The following NOTCH3 variants were observed in gnomAD, a reference collection of about 807,000 sequenced individuals.
The protein encoded by NOTCH3 is notch receptor 3, also known as neurogenic locus notch homolog protein 3.
A neutral mutation model predicts 213.3 loss-of-function variants in NOTCH3; 86 were observed. The observed-to-expected ratio is 0.40, with a 90% CI of 0.34 to 0.48. The LOEUF (loss-of-function observed/expected upper bound fraction) is 0.48, where lower values mean the gene tolerates loss of function less well. Ranked by LOEUF, NOTCH3 falls within the 20% of genes least tolerant of loss-of-function variation. The pLI is 0.57. For missense variants in NOTCH3, 2,783 were observed against 3,272.6 expected, an observed-to-expected ratio of 0.85 and a Z score of 3.65; for synonymous variants, 1,354 against 1,355.9, an observed-to-expected ratio of 1.00 and a Z score of 0.03.
In NOTCH3 at chr19:15,188,837, T is replaced by C. The variant is rs2238643; in HGVS notation, c.1378+152A>G. 0.7 allele frequency: 516,599 copies of C among 740,968 alleles called. 182,512 individuals are homozygous for C. The highest frequency in any genetic ancestry group is 0.73 in the Non-Finnish European group (327,777 of 448,790). 45.9% of individuals were successfully genotyped at this position (740,968 alleles called of 1,614,324 possible). The stretch of plus-strand genomic sequence containing the variant: ...CCCCCAGAATCACACAGTATTCCCT[T>C]CTGGTCCTGACCCCACCTCCTTCCA... On this transcript the variant is annotated intron_variant, in intron 8 of 32. Coordinates refer to ENST00000263388, the MANE Select transcript of NOTCH3 (RefSeq NM_000435.3).
At chr19:15,161,944 C>T (rs2046647768) in intron 32 of NOTCH3, among the ~76,000 whole-genome samples, 1 of 150,370 alleles carries the variant, frequency 6.7e-6, no homozygotes, top group Admixed American at 6.6e-5. Context: ...GTGAGTTAAG[C>T]GAGGTACTCA....
rs776950725 is a variant in NOTCH3 at position 15,177,071 on chromosome 19, T to TAAA, written c.4403+451_4403+453dup. Among the ~76,000 whole-genome samples the TAAA allele has an allele frequency of 3.9e-3, 312 of 79,096 alleles. 2 individuals carry two copies. The highest frequency in any genetic ancestry group is 9.8e-3 in the African/African-American group (230 of 23,380). 51.9% of individuals were successfully genotyped at this position (79,096 alleles called of 152,430 possible). A position where few individuals can be genotyped will look rare whatever the true frequency, so the allele number is the denominator to read the frequency against. On this transcript the variant is annotated intron_variant, in intron 24 of 32. Coordinates refer to ENST00000263388, the MANE Select transcript of NOTCH3 (RefSeq NM_000435.3). ...TGGGCAAGAGAGCGAGACTCCGTCT[T>TAAA]AAAAAAAAAAAAAAAAAAAAAAAGG...
intron 23 of NOTCH3, chr19:15,178,597 C>G (rs1379336649): frequency 1.7e-6 from 1 of 594,998 alleles, no homozygotes; most frequent in African/African-American, 1.9e-5. Context: ...GTTGCCCAGG[C>G]TGGTCTCTAA....
intron 16 of NOTCH3, 134 bp downstream of exon 16, chr19:15,184,161 A>AG (rs1259440577): frequency 1.1e-6 from 1 of 915,366 alleles, no homozygotes; most frequent in Non-Finnish European, 1.7e-6. Flanking sequence ...CTCGGGCCTC[A>AG]GTTTCCATAT....
At chr19:15,192,624 A>T in intron 2 of NOTCH3, 105 bp from the exon 3 acceptor site, 1 of 1,468,612 alleles carries the variant, frequency 6.8e-7, no homozygotes, top group Non-Finnish European at 9.2e-7. Context: ...AGAGCAGCAA[A>T]CACACATTTG....
chr19:15,176,159 A>ATTTTT (rs34620350), intron 24 of NOTCH3, among the ~76,000 whole-genome samples: 1 of 119,978 alleles, frequency 8.3e-6, no homozygotes, highest in Non-Finnish European at 1.7e-5. Flanking sequence ...AACAAAAGCA[A>ATTTTT]TTTTTTTTTT....
In NOTCH3 at chr19:15,161,538, G is replaced by T; in HGVS notation, c.6090C>A (p.Pro2030=). ...GGCCGTGGGGACCGGGGGGGCTGCG[G>T]GGCCCACTGGGTTGATCCAGCAAGC... ...IVRLLDQPSG[P]RSPPGPHGLG... The change falls in exon 33 of 33, where the codon CCC becomes CCA. Residue 2030 remains proline, a synonymous_variant. Transcript: ENST00000263388. 6.2e-7 allele frequency: 1 copy of T among 1,604,796 alleles called. No individual in the cohort carries two copies. The highest frequency in any genetic ancestry group is 2.2e-5 in the East Asian group (1 of 44,548).
chr19:15,161,169 A>G lies in NOTCH3; in HGVS notation c.6459T>C (p.Pro2153=), dbSNP rs1407377635. ...PGRAGLGRQP[P]GGCVLSLGLL... is the part of the protein sequence containing the mutation. ...GGCCCAGGCTGAGTACACATCCTCC[A>G]GGGGGCTGGCGCCCTAGACCCGCCC... The change falls in exon 33 of 33, where the codon CCT becomes CCC. Residue 2153 remains proline (P), a synonymous_variant. Transcript: ENST00000263388. 2 of 1,539,322 alleles carry G rather than the reference A, an allele frequency of 1.3e-6. No homozygotes were observed. The highest frequency in any genetic ancestry group is 2.7e-5 in the African/African-American group (2 of 73,428).
Position 15,180,988 on chromosome 19 carries a change from GA to G in NOTCH3, c.2966del (p.Leu989ProfsTer283). Reference sequence around the variant, plus strand: ...GGCACTGCGGGCCCGTGAAGCTCTCGAGGCAGGTGCAGCGGAAGCCAGGGTG... The same window carrying G: ...GGCACTGCGGGCCCGTGAAGCTCTCGGGCAGGTGCAGCGGAAGCCAGGGTG... ...AAHPGFRCTC[L>X]ESFTGPQCQT... On this transcript the variant is annotated frameshift_variant, in exon 18 of 33. Coordinates refer to ENST00000263388, the MANE Select transcript of NOTCH3 (RefSeq NM_000435.3). LOFTEE classifies it high-confidence loss of function. 1 of 1,597,078 alleles carries G rather than the reference GA, an allele frequency of 6.3e-7. No individual in the cohort carries two copies. The highest frequency in any genetic ancestry group is 8.5e-7 in the Non-Finnish European group (1 of 1,172,816).
intron 1 of NOTCH3, among the ~76,000 whole-genome samples, chr19:15,199,532 GATC>G (rs985318620): frequency 5.9e-5 from 9 of 152,070 alleles, no homozygotes; most frequent in South Asian, 2.1e-4. Flanking sequence ...ACACCTGTGT[GATC>G]ATATTTGTGT....
intron 23 of NOTCH3, 85 bp from the exon 24 acceptor site, chr19:15,178,175 AAGAAGAGTCAAGGGGAGAGAGGGGGAAG>A: frequency 2.4e-6 from 2 of 819,856 alleles, no homozygotes; most frequent in Non-Finnish European, 3.8e-6. Flanking sequence ...GAGTGGGGAA[AAGAAGAGTCAAGGGGAGAGAGGGGGAAG>A]AGAAGAGGTC....
rs971777724 is a variant in NOTCH3 at position 15,174,376 on chromosome 19, G to C, written c.4428C>G (p.Ala1476=). 4.6e-6 allele frequency: 7 copies of C among 1,536,506 alleles called. No homozygotes were observed. Among genetic ancestry groups the C allele is most frequent in the Non-Finnish European group, 4.4e-6 (5 of 1,137,014 alleles). The change falls in exon 25 of 33, where the codon GCC becomes GCG. Residue 1476 remains alanine (A), a synonymous_variant. Coordinates refer to ENST00000263388, the MANE Select transcript of NOTCH3 (RefSeq NM_000435.3). ...CGCAGCGGCCGTCGGCAAAGTGGTC[G>C]GCGCAGTACTTCTCGTACACCGGGC... ...TCNPVYEKYC[A]DHFADGRCDQ... is the part of the protein sequence containing the mutation.
At chr19:15,195,562 G>C (rs1410399898) in intron 2 of NOTCH3, among the ~76,000 whole-genome samples, 1 of 151,490 alleles carries the variant, frequency 6.6e-6, no homozygotes, top group East Asian at 2.0e-4. Flanking sequence ...TCAGTCCTTA[G>C]CGTCACCCGC....
Position 15,160,420 on chromosome 19 carries a change from G to A in NOTCH3, c.*242C>T. On this transcript the variant is annotated 3_prime_UTR_variant, in exon 33 of 33. Coordinates refer to ENST00000263388, the MANE Select transcript of NOTCH3 (RefSeq NM_000435.3). ...AGGGAAGAGAGAAGTGGGGAAGAAGGAGGTCCCAGACTCTTCACAAGACTG... is the reference window on the plus strand; with the variant it reads ...AGGGAAGAGAGAAGTGGGGAAGAAGAAGGTCCCAGACTCTTCACAAGACTG... The A allele has an allele frequency of 1.8e-6, 1 of 546,774 alleles. No homozygotes were observed. The highest frequency in any genetic ancestry group is 3.3e-6 in the Non-Finnish European group (1 of 306,502). The allele number at this position is 546,774 out of a possible 1,614,324, so 33.9% of individuals were successfully genotyped here.
intron 2 of NOTCH3, among the ~76,000 whole-genome samples, chr19:15,192,902 A>G (rs139014384): frequency 2.1e-3 from 324 of 152,128 alleles, no homozygotes; most frequent in African/African-American, 7.4e-3. Context: ...GTGACAGAGT[A>G]AGACTCGGTC....
intron 32 of NOTCH3, among the ~76,000 whole-genome samples, chr19:15,161,918 C>A (rs1296944618): frequency 6.6e-6 from 1 of 151,554 alleles, no homozygotes; most frequent in Non-Finnish European, 1.5e-5. Context: ...TGCCAGAGGT[C>A]AAGGCCAGGA....
intron 24 of NOTCH3, among the ~76,000 whole-genome samples, chr19:15,175,590 TACACACAC>T (rs1555727085): frequency 4.7e-5 from 5 of 107,134 alleles, no homozygotes; most frequent in Non-Finnish European, 7.1e-5. Context: ...TATATGTATA[TACACACAC>T]ACACACACAC....
At chr19:15,199,421 G>C (rs1393507831) in intron 1 of NOTCH3, among the ~76,000 whole-genome samples, 5 of 152,192 alleles carry the variant, frequency 3.3e-5, no homozygotes, top group Admixed American at 6.5e-5. Flanking sequence ...CTGTGTATGG[G>C]TTGGCTGTGT....
chr19:15,192,302 G>A lies in NOTCH3; in HGVS notation c.341-4C>T. ...TCTGGCAGGGAGCAGTCAGGGCCTG[G>A]AGGGACCAGGACAGGGTGAGTTTAG... is the stretch of plus-strand genomic sequence containing the variant. On this transcript the variant is annotated splice_region_variant and splice_polypyrimidine_tract_variant and intron_variant, in intron 3 of 32. Transcript: ENST00000263388. 3.1e-6 allele frequency: 5 copies of A among 1,607,736 alleles called. No homozygotes were observed. The highest frequency in any genetic ancestry group is 1.1e-5 in the South Asian group (1 of 90,104).
Sources: gnomAD v4.1 joint callset for allele counts (sites outside exome capture counted in the v4.1 genomes callset) on GRCh38, gnomAD v4.1.1 for gene constraint, MANE v1.5 for transcripts, NCBI Gene and HGNC (gene_info 2026-07-23, HGNC 2026-07-21) for gene names.